LUC7L2: variants seen among roughly 807,000 people sequenced by gnomAD.
LUC7L2 encodes the protein putative RNA-binding protein Luc7-like 2.
LUC7L2 carries 25 observed loss-of-function variants against 52.8 expected under a neutral mutation model. That is an observed-to-expected ratio of 0.47 (90% CI 0.34 to 0.66). The LOEUF (loss-of-function observed/expected upper bound fraction) is 0.66. Ranked by LOEUF, LUC7L2 falls within the 30% of genes least tolerant of loss-of-function variation. LUC7L2 has a pLI of 0.01. For missense variants in LUC7L2, 328 were observed against 497.8 expected (o/e 0.66, Z 3.25); for synonymous variants, 144 against 160.9 (o/e 0.89, Z 0.80).
intron 1 of LUC7L2, chr7:139,345,034 A>T (rs1254585153): frequency 6.5e-6 from 1 of 152,844 alleles, no homozygotes; most frequent in African/African-American, 2.4e-5. Flanking sequence ...TTTCATTGTA[A>T]TGAAAGGTAT....
chr7:139,365,249 G>A (rs984884524), intron 1 of LUC7L2, among the ~76,000 whole-genome samples: 1 of 152,148 alleles, frequency 6.6e-6, no homozygotes, highest in Admixed American at 6.5e-5. Context: ...ATATAACATT[G>A]CATCGTTCCT....
At chr7:139,340,906 A>G (rs908089725) in intron 1 of LUC7L2, among the ~76,000 whole-genome samples, 3 of 151,802 alleles carry the variant, frequency 2.0e-5, no homozygotes, top group African/African-American at 4.8e-5. Flanking sequence ...GAATCTGCAC[A>G]CACCCATGTC....
intron 2 of LUC7L2, among the ~76,000 whole-genome samples, chr7:139,383,732 TTTC>T (rs2131237484): frequency 6.7e-6 from 1 of 149,616 alleles, no homozygotes; most frequent in Admixed American, 6.7e-5. Flanking sequence ...TCTTTTTTTT[TTTC>T]TTTTTTCTTT....
At chr7:139,409,772 T>C (rs1307460944) in intron 7 of LUC7L2, 118 bp downstream of exon 7, 12 of 1,360,380 alleles carry the variant, frequency 8.8e-6, no homozygotes, top group Non-Finnish European at 1.1e-5. Flanking sequence ...AAACTTCTGC[T>C]TACTTTAAAA....
At chr7:139,362,456 C>T (rs191063113) in intron 1 of LUC7L2, among the ~76,000 whole-genome samples, 2 of 152,126 alleles carry the variant, frequency 1.3e-5, no homozygotes, top group Non-Finnish European at 2.9e-5. Context: ...CCCTGAATAA[C>T]ACCATGTAAT....
chr7:139,350,893 C>G (rs1012968822), intron 1 of LUC7L2, among the ~76,000 whole-genome samples: 7 of 152,070 alleles, frequency 4.6e-5, no homozygotes, highest in African/African-American at 1.4e-4. Context: ...CCAGGCTGGT[C>G]TCCGACTACT....
At chr7:139,390,956 T>G (rs1794425239) in intron 2 of LUC7L2, among the ~76,000 whole-genome samples, 1 of 152,216 alleles carries the variant, frequency 6.6e-6, no homozygotes, top group African/African-American at 2.4e-5. Context: ...TGTCAACAAT[T>G]TAGTGTACAT....
intron 4 of LUC7L2, among the ~76,000 whole-genome samples, chr7:139,402,918 A>G (rs1039611451): frequency 6.6e-6 from 1 of 152,160 alleles, no homozygotes; most frequent in Non-Finnish European, 1.5e-5. Context: ...TACCCCTTTT[A>G]TAGCTACATC....
chr7:139,365,953 C>T (rs917373789), intron 1 of LUC7L2, among the ~76,000 whole-genome samples: 1 of 152,136 alleles, frequency 6.6e-6, no homozygotes. Flanking sequence ...TATTGGAAGG[C>T]AGGGCCAAAA....
chr7:139,369,958 A>T (rs1208743236), intron 1 of LUC7L2, among the ~76,000 whole-genome samples: 2 of 152,184 alleles, frequency 1.3e-5, no homozygotes, highest in Non-Finnish European at 2.9e-5. Context: ...TTTTATTAGG[A>T]ACGACTTGAT....
chr7:139,398,604 G>A lies in LUC7L2; in HGVS notation c.162G>A (p.Met54Ile). The A allele has an allele frequency of 6.2e-7, 1 of 1,601,068 alleles. No individual in the cohort carries two copies. Among genetic ancestry groups the A allele is most frequent in the Non-Finnish European group, 8.5e-7 (1 of 1,176,418 alleles). Residue 54 changes from methionine (M) to isoleucine (I), a missense_variant, in exon 3 of 10, where the codon ATG (methionine) becomes ATA (isoleucine). Met to Ile is a conservative substitution (Grantham distance 10, BLOSUM62 1). Transcript: ENST00000354926. The part of the protein sequence containing the change: ...CPHDVLSGTR[M>I]DLGECLKVHD... ...ATGTCTTTTTTCCCTTCCAGAGAAT[G>A]GATCTTGGAGAATGTCTGAAAGTCC...
intron 7 of LUC7L2, among the ~76,000 whole-genome samples, chr7:139,411,367 A>G (rs1048096816): frequency 2.0e-5 from 3 of 152,226 alleles, no homozygotes; most frequent in African/African-American, 7.2e-5. Context: ...AAAAATCATA[A>G]TCATTTACTG....
intron 2 of LUC7L2, among the ~76,000 whole-genome samples, chr7:139,389,560 T>G (rs1018439496): frequency 2.6e-5 from 4 of 152,182 alleles, no homozygotes; most frequent in Admixed American, 1.3e-4. Context: ...AGAAACCTCC[T>G]CATACACACT....
At chr7:139,417,851 A>C in intron 9 of LUC7L2, 122 bp downstream of exon 9, 1 of 1,327,238 alleles carries the variant, frequency 7.5e-7, no homozygotes, top group Non-Finnish European at 1.0e-6. Context: ...ATCTGGTAAT[A>C]TGTACACATT....
chr7:139,349,228 TCTTA>T (rs1363377527), intron 1 of LUC7L2, among the ~76,000 whole-genome samples: 2 of 152,022 alleles, frequency 1.3e-5, no homozygotes, highest in African/African-American at 2.4e-5. Context: ...AAAGAGAAAA[TCTTA>T]CTGTTTGTTT....
intron 1 of LUC7L2, chr7:139,371,540 G>A: frequency 6.9e-7 from 1 of 1,452,160 alleles, no homozygotes; most frequent in Non-Finnish European, 9.3e-7. Context: ...TTGTATGGGA[G>A]GGAGAGGGTG....
At chr7:139,412,503 T>A (rs373517649) in intron 7 of LUC7L2, 48 bp from the exon 8 acceptor site, 1 of 1,568,988 alleles carries the variant, frequency 6.4e-7, no homozygotes, top group East Asian at 2.2e-5. Context: ...CTGCACTGTT[T>A]TCTTATTTAT....
intron 2 of LUC7L2, among the ~76,000 whole-genome samples, chr7:139,385,912 AT>A (rs1238511231): frequency 6.6e-6 from 1 of 152,196 alleles, no homozygotes; most frequent in Non-Finnish European, 1.5e-5. Context: ...CTCCGCAACT[AT>A]TTGTTGAAAA....
At chr7:139,415,240 C>T (rs1485382178) in intron 8 of LUC7L2, among the ~76,000 whole-genome samples, 2 of 150,918 alleles carry the variant, frequency 1.3e-5, no homozygotes, top group African/African-American at 4.9e-5. Context: ...TCTTAACCAC[C>T]TGACATATCT....
Sources: allele counts gnomAD v4.1 joint callset (sites outside exome capture counted in the v4.1 genomes callset), GRCh38; gene constraint gnomAD v4.1.1; transcripts MANE v1.5; gene names NCBI Gene and HGNC (gene_info 2026-07-23, HGNC 2026-07-21).